CFAP69: variants seen among roughly 807,000 people sequenced by gnomAD.
CFAP69 encodes cilia and flagella associated protein 69.
A neutral mutation model predicts 123.0 loss-of-function variants in CFAP69; 92 were observed. The observed-to-expected ratio is 0.75, with a 90% CI of 0.63 to 0.89. The LOEUF (loss-of-function observed/expected upper bound fraction) is 0.89. Ranked by LOEUF, CFAP69 falls within the 40% of genes least tolerant of loss-of-function variation. The probability of loss-of-function intolerance (pLI) is 0.00; values close to 1 mark genes in which losing one functional copy is unlikely to be tolerated. For missense variants in CFAP69, 1,067 were observed against 1,096.9 expected, an observed-to-expected ratio of 0.97 and a Z score of 0.39; for synonymous variants, 380 against 364.3, an observed-to-expected ratio of 1.04 and a Z score of -0.49.
intron 16 of CFAP69, among the ~76,000 whole-genome samples, chr7:90,298,909 T>C (rs1363333547): frequency 6.6e-6 from 1 of 152,176 alleles, no homozygotes; most frequent in Non-Finnish European, 1.5e-5. Flanking sequence ...CACATTTGCC[T>C]GTCTCCTGAA....
Position 90,271,915 on chromosome 7 carries a change from A to G in CFAP69, c.817A>G (p.Lys273Glu). 6.2e-7 allele frequency: 1 copy of G among 1,613,330 alleles called. No homozygotes were observed. Among genetic ancestry groups the G allele is most frequent in the Non-Finnish European group, 8.5e-7 (1 of 1,179,554 alleles). ...ILWNLLEKSS[K>E]EEVIQQLSNL... ...TTGGAACTTGCTGGAAAAATCTTCA[A>G]AAGAAGAAGTCATACAACAGCTTAG... Residue 273 changes from lysine to glutamate, a missense_variant, in exon 8 of 23, where the codon AAA (lysine) becomes GAA (glutamate). By Grantham distance (56) the Lys-to-Glu change is moderately conservative. Transcript: ENST00000389297.
chr7:90,259,470 GTGTTTGTT>G (rs71526680), intron 3 of CFAP69, among the ~76,000 whole-genome samples: 21 of 126,874 alleles, frequency 1.7e-4, no homozygotes, highest in African/African-American at 4.8e-4. Context: ...TTGTTTTGGG[GTGTTTGTT>G]TGTTTGTTTG....
chr7:90,311,396 A>T (rs951461120), downstream of CFAP69, among the ~76,000 whole-genome samples: 1 of 152,216 alleles, frequency 6.6e-6, no homozygotes, highest in Non-Finnish European at 1.5e-5. Context: ...GTAAATGGAT[A>T]ACTAGCTTTC....
chr7:90,268,493 T>C, intron 6 of CFAP69, 109 bp downstream of exon 6: 1 of 764,142 alleles, frequency 1.3e-6, no homozygotes, highest in Non-Finnish European at 2.1e-6. Flanking sequence ...TGTAACACAT[T>C]AAAAAGAAAA....
At chr7:90,293,182 A>G (rs1178740338) in intron 15 of CFAP69, among the ~76,000 whole-genome samples, 6 of 152,210 alleles carry the variant, frequency 3.9e-5, no homozygotes, top group Non-Finnish European at 7.4e-5. Flanking sequence ...ACTGTTTCAC[A>G]TTTGACAATG....
At chr7:90,283,703 G>A (rs973805605) in intron 13 of CFAP69, among the ~76,000 whole-genome samples, 1 of 152,042 alleles carries the variant, frequency 6.6e-6, no homozygotes, top group Non-Finnish European at 1.5e-5. Flanking sequence ...AAAATAAATA[G>A]TTCTCTAGAT....
intron 20 of CFAP69, 47 bp downstream of exon 20, chr7:90,307,145 A>G (rs1340496549): frequency 5.8e-6 from 8 of 1,385,308 alleles, no homozygotes; most frequent in Non-Finnish European, 6.1e-6. Context: ...TAGGTTGGTT[A>G]ATGGGCACAA....
Position 90,288,296 on chromosome 7 carries a change from G to T in CFAP69, c.1719G>T (p.Lys573Asn). 6.2e-7 allele frequency: 1 copy of T among 1,612,462 alleles called. No individual in the cohort carries two copies. Among genetic ancestry groups the T allele is most frequent in the South Asian group, 1.1e-5 (1 of 90,940 alleles). Reference protein sequence around the residue: ...VLHVMKTDPRKLQSGLGYNVL... With the variant: ...VLHVMKTDPRNLQSGLGYNVL... ...ATGTGATGAAAACAGACCCCAGGAA[G>T]TTACAGAGTGGCTTAGGCTATAATG... The change falls in exon 15 of 23, where the codon AAG becomes AAT. Residue 573 changes from lysine (K) to asparagine (N), a missense_variant. Lys to Asn is a moderately conservative substitution (Grantham distance 94). Coordinates refer to ENST00000389297, the MANE Select transcript of CFAP69 (RefSeq NM_001039706.3).
intron 4 of CFAP69, among the ~76,000 whole-genome samples, chr7:90,262,627 T>C (rs1378252710): frequency 6.6e-6 from 1 of 152,148 alleles, no homozygotes; most frequent in Non-Finnish European, 1.5e-5. Flanking sequence ...GCTTCCTTGG[T>C]GCCACATAGT....
At chr7:90,317,531 C>T in the CFAP69 span, 1 of 142,540 alleles carries the variant, frequency 7.0e-6, no homozygotes, top group African/African-American at 2.5e-5. Context: ...ATCTGCTACT[C>T]ATGCAAAATT....
At chr7:90,276,925 CTCTT>C (rs911915109) in intron 9 of CFAP69, 144 bp from the exon 10 acceptor site, 15 of 509,286 alleles carry the variant, frequency 2.9e-5, no homozygotes, top group Middle Eastern at 5.3e-4. Flanking sequence ...TTTTGCCTCA[CTCTT>C]TATTACTATT....
chr7:90,282,674 A>G (rs1010096621), intron 12 of CFAP69, among the ~76,000 whole-genome samples: 1 of 152,230 alleles, frequency 6.6e-6, no homozygotes, highest in South Asian at 2.1e-4. Flanking sequence ...AAAGATACAT[A>G]TAATATGATA....
At position 90,283,016 on chromosome 7, in the gene CFAP69, C is replaced by G; in HGVS notation, c.1497C>G (p.Asn499Lys). The change falls in exon 13 of 23, where the codon AAC becomes AAG. Residue 499 changes from asparagine (N) to lysine (K), a missense_variant. Coordinates refer to ENST00000389297, the MANE Select transcript of CFAP69 (RefSeq NM_001039706.3). ...TCTACCTTGAAGATGAGACTGTAAA[C>G]AAAGATCTTTGTGAAAAGGGAACAA... ...AVVYLEDETV[N>K]KDLCEKGTIQ... 1 of 1,580,936 alleles carries G rather than the reference C, an allele frequency of 6.3e-7. No individual in the cohort carries two copies. The highest frequency in any genetic ancestry group is 1.8e-5 in the Admixed American group (1 of 55,206).
At position 90,303,991 on chromosome 7, in the gene CFAP69, T is replaced by A. The variant is rs1486296865; in HGVS notation, c.2073T>A (p.Thr691=). The A allele has an allele frequency of 1.9e-6, 3 of 1,550,130 alleles. No individual in the cohort carries two copies. The highest frequency in any genetic ancestry group is 1.7e-6 in the Non-Finnish European group (2 of 1,146,174). ...KIIDTKKPLF[T]SFQEEQKIIP... is the part of the protein sequence containing the mutation. Reference sequence around the variant, plus strand: ...TAGATACAAAAAAACCTCTATTTACTAGCTTTCAAGAAGAGCAAAAAATCA... The same window carrying A: ...TAGATACAAAAAAACCTCTATTTACAAGCTTTCAAGAAGAGCAAAAAATCA... The change falls in exon 18 of 23, where the codon ACT becomes ACA. Residue 691 remains threonine, a synonymous_variant. Transcript: ENST00000389297.
chr7:90,274,172 G>A, intron 9 of CFAP69, 62 bp downstream of exon 9: 1 of 1,551,878 alleles, frequency 6.4e-7, no homozygotes, highest in South Asian at 1.2e-5. Context: ...GGTGAAAGAA[G>A]TCCTATATTA....
chr7:90,302,025 TG>T (rs1481864097), intron 17 of CFAP69: 11 of 152,320 alleles, frequency 7.2e-5, no homozygotes, highest in Admixed American at 6.5e-4. Context: ...TTCTGACTGA[TG>T]TGAGATACTA....
intron 16 of CFAP69, among the ~76,000 whole-genome samples, chr7:90,299,623 G>T (rs542068237): frequency 4.6e-5 from 7 of 151,906 alleles, no homozygotes; most frequent in Non-Finnish European, 1.0e-4. Flanking sequence ...GTCACATTTT[G>T]GTCATGATAT....
chr7:90,252,789 T>G (rs909738822), intron 1 of CFAP69, among the ~76,000 whole-genome samples: 2 of 152,194 alleles, frequency 1.3e-5, no homozygotes, highest in Non-Finnish European at 2.9e-5. Context: ...GACATCTCAG[T>G]TAGGATTAAT....
rs754877421 is a variant in CFAP69, at chr7:90,282,951, G to A, written c.1432G>A (p.Ala478Thr). ...TACAGGTGGCCGAGGCAACAAGTTT[G>A]CCCAGATGCGTTACAGTTTAAGACT... is the stretch of plus-strand genomic sequence containing the variant. ...HGTGGRGNKF[A>T]QMRYSLRLLR... The change falls in exon 13 of 23, where the codon GCC (alanine) becomes ACC (threonine). Residue 478 changes from alanine (A) to threonine (T), a missense_variant. Coordinates refer to ENST00000389297, the MANE Select transcript of CFAP69 (RefSeq NM_001039706.3). The A allele has an allele frequency of 2.5e-6, 4 of 1,598,044 alleles. No homozygotes were observed. In the Admixed American group the frequency reaches 5.2e-5, roughly 21 times the overall value.
Sources: allele counts gnomAD v4.1 joint callset (sites outside exome capture counted in the v4.1 genomes callset), GRCh38; gene constraint gnomAD v4.1.1; transcripts MANE v1.5; gene names NCBI Gene and HGNC (gene_info 2026-07-23, HGNC 2026-07-21).